The following PTCHD4 variants were observed in gnomAD, a reference collection of about 807,000 sequenced individuals.
PTCHD4 encodes the protein patched domain containing 4, also known as patched domain-containing protein 4.
A neutral mutation model predicts 58.1 loss-of-function variants in PTCHD4; 33 were observed. The observed-to-expected ratio is 0.57, with a 90% CI of 0.43 to 0.76. The LOEUF (loss-of-function observed/expected upper bound fraction) is 0.76, where lower values mean the gene tolerates loss of function less well. Ranked by LOEUF, PTCHD4 falls within the 30% of genes least tolerant of loss-of-function variation. The pLI is 0.00. For synonymous variants in PTCHD4, 478 were observed against 409.6 expected (o/e 1.17, Z -2.02); for missense variants, 1,058 against 1,027.1 (o/e 1.03, Z -0.41).
chr6:47,909,658 G>T (rs990947510), intron 4 of PTCHD4, among the ~76,000 whole-genome samples: 1 of 151,916 alleles, frequency 6.6e-6, no homozygotes, highest in Non-Finnish European at 1.5e-5. Flanking sequence ...GCCTAGGCTG[G>T]CCTCAAACTT....
At position 47,877,304 on chromosome 6, in the gene PTCHD4, C is replaced by T. The variant is rs555909010; in HGVS notation, c.*999G>A. ...GAGTACCCCAACTCACATACACATA[C>T]TTGTGCACCCTTAGACTCATGTATG... On this transcript the variant is annotated 3_prime_UTR_variant, in exon 5 of 5. Coordinates refer to ENST00000339488, the MANE Select transcript of PTCHD4 (RefSeq NM_001384253.1). 2.0e-5 allele frequency among the ~76,000 whole-genome samples: 3 copies of T among 152,098 alleles called. No homozygotes were observed. The highest frequency in any genetic ancestry group is 7.2e-5 in the African/African-American group (3 of 41,514).
chr6:48,091,740 G>T (rs1765369743), intron 1 of PTCHD4, among the ~76,000 whole-genome samples: 1 of 151,566 alleles, frequency 6.6e-6, no homozygotes, highest in African/African-American at 2.4e-5. Flanking sequence ...TCCACTCCTG[G>T]GTTCAAGTGA....
rs546975462 is a variant in PTCHD4 at position 47,873,045 on chromosome 6, A to C, written c.*5258T>G. 1.6e-4 allele frequency among the ~76,000 whole-genome samples: 24 copies of C among 151,640 alleles called. No homozygotes were observed. Among genetic ancestry groups the C allele is most frequent in the African/African-American group, 5.8e-4 (24 of 41,360 alleles). ...TGATGCTTATGTCGGTGCTTACTTT[A>C]AGCTTCTTTACAAAGAGTCTCCCTA... On this transcript the variant is annotated 3_prime_UTR_variant, in exon 5 of 5. Transcript: ENST00000339488.
intron 4 of PTCHD4, among the ~76,000 whole-genome samples, chr6:47,921,366 G>A (rs1256890808): frequency 1.3e-5 from 2 of 151,864 alleles, no homozygotes; most frequent in East Asian, 3.9e-4. Flanking sequence ...TTATCTTTTG[G>A]CTTTGTTTTT....
intron 4 of PTCHD4, among the ~76,000 whole-genome samples, chr6:47,953,484 T>C (rs1027054881): frequency 1.3e-5 from 2 of 152,124 alleles, no homozygotes; most frequent in Non-Finnish European, 2.9e-5. Context: ...GGGAATTCCA[T>C]TAGCCTAAAT....
intron 4 of PTCHD4, among the ~76,000 whole-genome samples, chr6:47,969,443 C>T (rs1049668689): frequency 1.3e-5 from 2 of 152,146 alleles, no homozygotes; most frequent in African/African-American, 2.4e-5. Context: ...TTATTTGTTG[C>T]ATTTTTATTG....
rs149390807 is a variant in PTCHD4, at chr6:47,916,102, G to A, written c.899-36166C>T. Among the ~76,000 whole-genome samples the A allele has an allele frequency of 2.6e-3, 390 of 152,200 alleles. 5 individuals are homozygous for A. The highest frequency in any genetic ancestry group is 9.0e-3 in the African/African-American group (375 of 41,536). On this transcript the variant is annotated intron_variant, in intron 4 of 4. Transcript: ENST00000339488. Reference sequence around the variant, plus strand: ...GCTTCTGCTCTGCCAATCCCACAAAGTGCTGAAGGCTGCTGGAGGACCTGA... The same window carrying A: ...GCTTCTGCTCTGCCAATCCCACAAAATGCTGAAGGCTGCTGGAGGACCTGA...
At chr6:48,027,218 A>G (rs1344442101) in intron 3 of PTCHD4, among the ~76,000 whole-genome samples, 4 of 152,146 alleles carry the variant, frequency 2.6e-5, no homozygotes, top group Non-Finnish European at 4.4e-5. Flanking sequence ...TGGCTAAGAG[A>G]TAAATAAGTG....
chr6:47,969,035 A>G (rs1007951368), intron 4 of PTCHD4, among the ~76,000 whole-genome samples: 1 of 152,188 alleles, frequency 6.6e-6, no homozygotes, highest in African/African-American at 2.4e-5. Flanking sequence ...AATAATCCAG[A>G]ACTATTTATT....
At chr6:48,000,269 G>A (rs1239415048) in intron 4 of PTCHD4, among the ~76,000 whole-genome samples, 2 of 152,132 alleles carry the variant, frequency 1.3e-5, no homozygotes, top group African/African-American at 4.8e-5. Context: ...TTACAGCATA[G>A]TCTAGTCTAG....
chr6:48,026,115 G>C (rs1456018315), intron 3 of PTCHD4, among the ~76,000 whole-genome samples: 1 of 152,130 alleles, frequency 6.6e-6, no homozygotes, highest in Non-Finnish European at 1.5e-5. Context: ...TATCTGATGA[G>C]ATATGTGTGT....
At chr6:47,998,554 A>C (rs374224056) in intron 4 of PTCHD4, among the ~76,000 whole-genome samples, 1 of 152,224 alleles carries the variant, frequency 6.6e-6, no homozygotes, top group East Asian at 1.9e-4. Context: ...GAGGAAACTC[A>C]TTTGCAGTAA....
intron 3 of PTCHD4, among the ~76,000 whole-genome samples, chr6:48,036,911 TCATTA>T (rs1430647121): frequency 2.0e-5 from 3 of 152,136 alleles, no homozygotes; most frequent in African/African-American, 7.2e-5. Context: ...GATGGAAAAG[TCATTA>T]CATTTGTGAG....
At chr6:48,078,992 G>T (rs1479951841) in intron 1 of PTCHD4, among the ~76,000 whole-genome samples, 2 of 151,856 alleles carry the variant, frequency 1.3e-5, no homozygotes, top group Non-Finnish European at 2.9e-5. Flanking sequence ...GGTGCCGGGC[G>T]CCTGTAGTCC....
At chr6:47,983,662 G>T (rs368785921) in intron 4 of PTCHD4, among the ~76,000 whole-genome samples, 1 of 151,978 alleles carries the variant, frequency 6.6e-6, no homozygotes, top group East Asian at 1.9e-4. Flanking sequence ...ACATACTTGG[G>T]GAGAATAAAG....
At chr6:48,103,542 C>A (rs1765653814) in intron 1 of PTCHD4, among the ~76,000 whole-genome samples, 1 of 152,136 alleles carries the variant, frequency 6.6e-6, no homozygotes, top group Non-Finnish European at 1.5e-5. Context: ...AATCAGAGCG[C>A]CTCTCCTCCT....
chr6:47,869,726 T>TAA lies in PTCHD4; in HGVS notation c.*8575_*8576dup. On this transcript the variant is annotated 3_prime_UTR_variant, in exon 5 of 5. Transcript: ENST00000339488. ...TATGTATTCTTGAATGTTTAAAGGA[T>TAA]AAAAAATTACATTATAAGTTTTAGA... Among the ~76,000 whole-genome samples, 1 of 151,774 alleles carries TAA rather than the reference T, an allele frequency of 6.6e-6. No homozygotes were observed. Among genetic ancestry groups the TAA allele is most frequent in the Middle Eastern group, 3.4e-3 (1 of 294 alleles).
At chr6:47,905,320 A>T (rs547126493) in intron 4 of PTCHD4, among the ~76,000 whole-genome samples, 2 of 152,338 alleles carry the variant, frequency 1.3e-5, no homozygotes, top group South Asian at 4.1e-4. Context: ...ATTGAAGTCC[A>T]GGGACTGACC....
chr6:48,078,030 G>C (rs978921367), intron 1 of PTCHD4, among the ~76,000 whole-genome samples: 37 of 152,236 alleles, frequency 2.4e-4, no homozygotes, highest in African/African-American at 8.2e-4. Context: ...ACAAATTGAA[G>C]GTTTGTAGGA....
Sources: gnomAD v4.1 joint callset for allele counts (sites outside exome capture counted in the v4.1 genomes callset) on GRCh38, gnomAD v4.1.1 for gene constraint, MANE v1.5 for transcripts, NCBI Gene and HGNC (gene_info 2026-07-23, HGNC 2026-07-21) for gene names.